Variants in PXDNL observed in about 807,000 individuals in gnomAD.
The protein encoded by PXDNL is probable oxidoreductase PXDNL.
PXDNL carries 145 observed loss-of-function variants against 150.8 expected under a neutral mutation model. That is an observed-to-expected ratio of 0.96 (90% CI 0.84 to 1.10). The LOEUF (loss-of-function observed/expected upper bound fraction) is 1.10, where lower values mean the gene tolerates loss of function less well. Ranked by LOEUF, PXDNL falls within the 50% of genes least tolerant of loss-of-function variation. PXDNL has a pLI of 0.00. For missense variants in PXDNL, 2,087 were observed against 1,873.9 expected (o/e 1.11, Z -2.10); for synonymous variants, 757 against 725.7 (o/e 1.04, Z -0.69).
chr8:51,382,829 A>C (rs1222835850), intron 17 of PXDNL, among the ~76,000 whole-genome samples: 1 of 152,236 alleles, frequency 6.6e-6, no homozygotes, highest in Non-Finnish European at 1.5e-5. Flanking sequence ...GTCCAGAAAA[A>C]AATAGTACTT....
At chr8:51,476,159 A>G (rs1485717641) in intron 6 of PXDNL, among the ~76,000 whole-genome samples, 4 of 152,202 alleles carry the variant, frequency 2.6e-5, no homozygotes, top group Non-Finnish European at 4.4e-5. Flanking sequence ...TGCTTTGTTT[A>G]TGTGTTACAG....
chr8:51,680,596 T>G (rs963708843), intron 1 of PXDNL, among the ~76,000 whole-genome samples: 5 of 152,222 alleles, frequency 3.3e-5, no homozygotes, highest in African/African-American at 1.2e-4. Context: ...AAATTTACTT[T>G]TATTGAGTGG....
At chr8:51,493,552 C>A (rs1005846167) in intron 5 of PXDNL, among the ~76,000 whole-genome samples, 4 of 151,994 alleles carry the variant, frequency 2.6e-5, no homozygotes, top group African/African-American at 9.7e-5. Flanking sequence ...AGACGAATGG[C>A]TAACTAGAAT....
intron 21 of PXDNL, among the ~76,000 whole-genome samples, chr8:51,328,240 G>A (rs191224544): frequency 2.6e-5 from 4 of 152,340 alleles, no homozygotes; most frequent in Admixed American, 2.6e-4. Flanking sequence ...ATAATGGTGT[G>A]AGCCAATGCC....
intron 2 of PXDNL, among the ~76,000 whole-genome samples, chr8:51,602,200 A>AT (rs376534346): frequency 7.5e-4 from 113 of 151,450 alleles, no homozygotes; most frequent in African/African-American, 2.7e-3. Flanking sequence ...TGTGCTCTAG[A>AT]TTTTTTGTAT....
At chr8:51,402,859 G>T (rs879522357) in intron 17 of PXDNL, among the ~76,000 whole-genome samples, 2 of 151,684 alleles carry the variant, frequency 1.3e-5, no homozygotes, top group African/African-American at 4.8e-5. Context: ...TCAGGAGATC[G>T]AGACCATCCT....
chr8:51,654,992 A>G (rs1425165757), intron 1 of PXDNL, among the ~76,000 whole-genome samples: 1 of 152,178 alleles, frequency 6.6e-6, no homozygotes, highest in Non-Finnish European at 1.5e-5. Context: ...ATGCCAGACA[A>G]ATGTGGCTAT....
At chr8:51,436,150 G>T in intron 12 of PXDNL, 1 of 516,142 alleles carries the variant, frequency 1.9e-6, no homozygotes, top group South Asian at 1.4e-5. Flanking sequence ...TTTGTTAAAA[G>T]AACTCTTAAT....
At chr8:51,362,673 G>A (rs1806793312) in intron 19 of PXDNL, among the ~76,000 whole-genome samples, 1 of 152,126 alleles carries the variant, frequency 6.6e-6, no homozygotes, top group Non-Finnish European at 1.5e-5. Context: ...TGGCCTGGGA[G>A]TTGGCCCTTT....
chr8:51,450,521 G>A (rs1809782711), intron 10 of PXDNL, among the ~76,000 whole-genome samples: 1 of 152,070 alleles, frequency 6.6e-6, no homozygotes, highest in African/African-American at 2.4e-5. Context: ...CTTTTCACCT[G>A]CATCTGGAAA....
intron 4 of PXDNL, among the ~76,000 whole-genome samples, chr8:51,551,013 C>T (rs555205997): frequency 5.4e-4 from 82 of 152,212 alleles, no homozygotes; most frequent in African/African-American, 1.8e-3. Context: ...CTGCTATACA[C>T]CAACAGTGAC....
intron 8 of PXDNL, among the ~76,000 whole-genome samples, chr8:51,457,989 T>C (rs1293122942): frequency 6.6e-6 from 1 of 152,178 alleles, no homozygotes; most frequent in African/African-American, 2.4e-5. Context: ...CATTTTTATA[T>C]ATTTGAATGC....
In PXDNL at chr8:51,556,043, G is replaced by A. The variant is rs1473096508; in HGVS notation, c.380+797C>T. Among the ~76,000 whole-genome samples, 17 of 152,004 alleles carry A rather than the reference G, an allele frequency of 1.1e-4. No homozygotes were observed. The East Asian group carries it at 1.2e-3, about 10-fold the overall frequency. ...TCTCAGCACTTTGGGAATCTGAGGC[G>A]GGCAGATCTCTTGAGGCCAAAAGTT... On this transcript the variant is annotated intron_variant, in intron 4 of 22. Transcript: ENST00000356297.
At chr8:51,636,054 A>G (rs1814596790) in intron 2 of PXDNL, among the ~76,000 whole-genome samples, 1 of 152,184 alleles carries the variant, frequency 6.6e-6, no homozygotes, top group Non-Finnish European at 1.5e-5. Context: ...AACATAAGAA[A>G]GTCAACCAAT....
At chr8:51,789,859 C>A (rs1170928463) in intron 1 of PXDNL, among the ~76,000 whole-genome samples, 1 of 152,126 alleles carries the variant, frequency 6.6e-6, no homozygotes, top group Non-Finnish European at 1.5e-5. Context: ...TGTTACTTAT[C>A]TTTAGACTCA....
At chr8:51,625,259 C>T (rs1422759241) in intron 2 of PXDNL, among the ~76,000 whole-genome samples, 3 of 152,040 alleles carry the variant, frequency 2.0e-5, no homozygotes, top group Admixed American at 2.0e-4. Context: ...ATGCTAAAGA[C>T]AAAAGCAAGC....
intron 12 of PXDNL, among the ~76,000 whole-genome samples, chr8:51,438,910 T>A (rs1809474098): frequency 6.6e-6 from 1 of 152,142 alleles, no homozygotes; most frequent in African/African-American, 2.4e-5. Flanking sequence ...TTTCACCTTA[T>A]ACAAAAATCA....
At chr8:51,503,824 G>C (rs1811233100) in intron 4 of PXDNL, among the ~76,000 whole-genome samples, 1 of 152,070 alleles carries the variant, frequency 6.6e-6, no homozygotes, top group South Asian at 2.1e-4. Flanking sequence ...CTATGCAGAA[G>C]ACCTACAAAT....
chr8:51,599,740 A>T (rs571240772), intron 2 of PXDNL, among the ~76,000 whole-genome samples: 1 of 146,394 alleles, frequency 6.8e-6, no homozygotes, highest in Non-Finnish European at 1.5e-5. Flanking sequence ...ATTATATCTT[A>T]TATAAATGAT....
Sources: allele counts gnomAD v4.1 joint callset (sites outside exome capture counted in the v4.1 genomes callset), GRCh38; gene constraint gnomAD v4.1.1; transcripts MANE v1.5; gene names NCBI Gene and HGNC (gene_info 2026-07-23, HGNC 2026-07-21).